Variants in IKBKE observed in about 807,000 individuals in gnomAD.
IKBKE encodes inhibitor of nuclear factor kappa B kinase subunit epsilon.
Under a neutral mutation model 92.1 loss-of-function variants are expected in IKBKE, and 45 were observed. The observed-to-expected ratio is 0.49, with a 90% CI of 0.38 to 0.63. The LOEUF is 0.63. IKBKE is among the 20% of genes least tolerant of loss of function. The pLI is 0.00. For missense variants in IKBKE, 700 were observed against 932.8 expected (o/e 0.75, Z 3.25); for synonymous variants, 374 against 380.3 (o/e 0.98, Z 0.19).
intron 20 of IKBKE, 73 bp from the exon 21 acceptor site, chr1:206,493,847 G>T: frequency 1.7e-6 from 2 of 1,156,586 alleles, no homozygotes; most frequent in South Asian, 2.6e-5. Context: ...GAGGAGGGTG[G>T]GCCTCCCAGG....
In IKBKE at chr1:206,474,560, C is replaced by T. The variant is rs530716274; in HGVS notation, c.228+89C>T. The T allele has an allele frequency of 1.1e-3, 1,519 of 1,354,760 alleles. 3 individuals carry two copies. Among genetic ancestry groups the T allele is most frequent in the Middle Eastern group, 2.1e-3 (11 of 5,352 alleles). The allele number at this position is 1,354,760 out of a possible 1,614,324, so 83.9% of individuals were successfully genotyped here. A position where few individuals can be genotyped will look rare whatever the true frequency, so the allele number is the denominator to read the frequency against. On this transcript the variant is annotated intron_variant, in intron 4 of 21. Coordinates refer to ENST00000581977, the MANE Select transcript of IKBKE (RefSeq NM_014002.4). Reference sequence around the variant, plus strand: ...GGCCACATGATAACAGAGATTTGGTCCCATGCTCATCAGCAGGTCAGAGAC... The same window carrying T: ...GGCCACATGATAACAGAGATTTGGTTCCATGCTCATCAGCAGGTCAGAGAC...
At position 206,490,059 on chromosome 1, in the gene IKBKE, G is replaced by A. The variant is rs191041625; in HGVS notation, c.1694-760G>A. Among the ~76,000 whole-genome samples the A allele has an allele frequency of 7.4e-4, 113 of 152,288 alleles. No homozygotes were observed. The highest frequency in any genetic ancestry group is 3.4e-3 in the Middle Eastern group (1 of 294). On this transcript the variant is annotated intron_variant, in intron 16 of 21. Transcript: ENST00000581977. The surrounding 1 kb of genome is among the most constrained non-coding windows in gnomAD (Gnocchi z 5.2). ...GAAGTGAAATCACTCGCCTAGTGCC[G>A]CCTGCCAACAGGAGGAAGGGCTGAG...
At position 206,479,762 on chromosome 1, in the gene IKBKE, T is replaced by C. The variant is rs55857766; in HGVS notation, c.1184-108T>C. The C allele has an allele frequency of 2.3e-4, 269 of 1,192,210 alleles. 3 individuals are homozygous for C. The East Asian group carries it at 5.5e-3, about 24-fold the overall frequency. The allele number at this position is 1,192,210 out of a possible 1,614,324, so 73.9% of individuals were successfully genotyped here. On this transcript the variant is annotated intron_variant, in intron 10 of 21. Coordinates refer to ENST00000581977, the MANE Select transcript of IKBKE (RefSeq NM_014002.4). The stretch of plus-strand genomic sequence containing the variant: ...GAGGCTCAGGGTGAGTTGTGAAGCC[T>C]GAGGTGGGAGATTGGCAGTGAGGGG...
At position 206,485,861 on chromosome 1, in the gene IKBKE, C is replaced by A. The variant is rs1665624485; in HGVS notation, c.1616+555C>A. On this transcript the variant is annotated intron_variant, in intron 15 of 21. Transcript: ENST00000581977. This position sits in a 1 kb window ranked among gnomAD's most constrained non-coding sequence, Gnocchi z 5.0. ...AGGCACCACTCTCCCTTTTAACAGACATAAAAATACCCCCCTCCCCCAGGC... is the reference window on the plus strand; with the variant it reads ...AGGCACCACTCTCCCTTTTAACAGAAATAAAAATACCCCCCTCCCCCAGGC... 6.6e-6 allele frequency among the ~76,000 whole-genome samples: 1 copy of A among 152,180 alleles called. No individual in the cohort carries two copies. Among genetic ancestry groups the A allele is most frequent in the Non-Finnish European group, 1.5e-5 (1 of 68,032 alleles).
chr1:206,474,249 A>G, intron 3 of IKBKE, 82 bp from the exon 4 acceptor site: 1 of 1,389,468 alleles, frequency 7.2e-7, no homozygotes, highest in African/African-American at 1.4e-5. Flanking sequence ...ATGGAGGCCC[A>G]GGAGAGGGTG....
intron 2 of IKBKE, 60 bp from the exon 3 acceptor site, chr1:206,473,136 A>T: frequency 2.0e-6 from 2 of 1,000,442 alleles, no homozygotes; most frequent in South Asian, 1.4e-5. Flanking sequence ...AGGTCAGGCC[A>T]CCAGCGGCCA....
Position 206,490,249 on chromosome 1 carries a change from C to T in IKBKE, c.1694-570C>T, listed in dbSNP as rs1342356050. On this transcript the variant is annotated intron_variant, in intron 16 of 21. Transcript: ENST00000581977. The surrounding 1 kb of genome is among the most constrained non-coding windows in gnomAD (Gnocchi z 5.2). The stretch of plus-strand genomic sequence containing the variant: ...CCGCCACCCTGGAGGCCCATTCCTG[C>T]GAAGACCAGGAGGGGGCAGCATCTC... 1.3e-5 allele frequency among the ~76,000 whole-genome samples: 2 copies of T among 152,160 alleles called. No homozygotes were observed. The highest frequency in any genetic ancestry group is 2.9e-5 in the Non-Finnish European group (2 of 68,026).
In IKBKE at chr1:206,478,864, TG is replaced by T; in HGVS notation, c.993-75del. Reference sequence around the variant, plus strand: ...GCCCTGTCTATGGGCAACGCTTAGCTGGGGCTTAGGTCACCCTAGCCCCCTG... The same window carrying T: ...GCCCTGTCTATGGGCAACGCTTAGCTGGGCTTAGGTCACCCTAGCCCCCTG... On this transcript the variant is annotated intron_variant, in intron 9 of 21. Coordinates refer to ENST00000581977, the MANE Select transcript of IKBKE (RefSeq NM_014002.4). The surrounding 1 kb of genome is among the most constrained non-coding windows in gnomAD (Gnocchi z 4.8). The T allele has an allele frequency of 5.4e-6, 6 of 1,104,056 alleles. No homozygotes were observed. The highest frequency in any genetic ancestry group is 1.5e-5 in the African/African-American group (1 of 65,444). 68.4% of individuals were successfully genotyped at this position (1,104,056 alleles called of 1,614,324 possible).
At chr1:206,486,419 G>A (rs1354837961) in intron 15 of IKBKE, among the ~76,000 whole-genome samples, 2 of 139,560 alleles carry the variant, frequency 1.4e-5, no homozygotes, top group South Asian at 2.1e-4. Context: ...GCTGAGGATC[G>A]AGGTCCTGTC....
At position 206,490,821 on chromosome 1, in the gene IKBKE, C is replaced by T. The variant is rs1553390134; in HGVS notation, c.1696C>T (p.Leu566Phe). Residue 566 changes from leucine to phenylalanine, a missense_variant and splice_region_variant, in exon 17 of 22, where the codon CTT (leucine) becomes TTT (phenylalanine). Coordinates refer to ENST00000581977, the MANE Select transcript of IKBKE (RefSeq NM_014002.4). This position sits in a 1 kb window ranked among gnomAD's most constrained non-coding sequence, Gnocchi z 5.2. ...QFKKSRMRPG[L>F]GYNEEQIHKL... ...TCTGTTCTGTCTGTTTCCTCCAGGG[C>T]TTGGCTACAACGAGGAGCAGATTCA... 6.2e-7 allele frequency: 1 copy of T among 1,614,162 alleles called. No individual in the cohort carries two copies. Among genetic ancestry groups the T allele is most frequent in the Admixed American group, 1.7e-5 (1 of 60,030 alleles).
intron 16 of IKBKE, among the ~76,000 whole-genome samples, chr1:206,489,231 A>T (rs1176928740): frequency 1.4e-5 from 2 of 147,934 alleles, no homozygotes; most frequent in African/African-American, 4.9e-5. Context: ...ATATATATAT[A>T]ATTCATATAT....
Position 206,470,630 on chromosome 1 carries a change from A to C in IKBKE, c.-191A>C, listed in dbSNP as rs17020312. On this transcript the variant is annotated 5_prime_UTR_variant, in exon 1 of 22. Coordinates refer to ENST00000581977, the MANE Select transcript of IKBKE (RefSeq NM_014002.4). The stretch of plus-strand genomic sequence containing the variant: ...GCTAAGAACACTGCTCATGAATGAC[A>C]GTGAGCCCTGAAAGCTCTGGGGGTG... 13,861 of 152,054 alleles carry C rather than the reference A, an allele frequency of 0.091. 1,067 individuals are homozygous for C. Among genetic ancestry groups the C allele is most frequent in the African/African-American group, 0.21 (8,806 of 41,440 alleles). 9.4% of individuals were successfully genotyped at this position (152,054 alleles called of 1,614,324 possible). A position where few individuals can be genotyped will look rare whatever the true frequency, so the allele number is the denominator to read the frequency against.
At chr1:206,477,540 G>A (rs1380463414) in intron 7 of IKBKE, among the ~76,000 whole-genome samples, 1 of 152,112 alleles carries the variant, frequency 6.6e-6, no homozygotes, top group Non-Finnish European at 1.5e-5. Flanking sequence ...GGGCAAAGGT[G>A]TCTCTACCTG....
intron 4 of IKBKE, 196 bp from the exon 5 acceptor site, chr1:206,474,669 C>G: frequency 1.3e-6 from 1 of 799,504 alleles, no homozygotes; most frequent in East Asian, 2.7e-5. Flanking sequence ...GAATCAGTAC[C>G]TAAGCAGAGG....
intron 16 of IKBKE, among the ~76,000 whole-genome samples, chr1:206,488,684 C>T (rs1665787822): frequency 1.3e-5 from 2 of 152,152 alleles, no homozygotes; most frequent in Admixed American, 1.3e-4. Flanking sequence ...CCCCTCCTCT[C>T]CCAGGCCCCA....
chr1:206,479,768 G>A (rs1489521382), intron 10 of IKBKE, 102 bp from the exon 11 acceptor site: 1 of 1,223,416 alleles, frequency 8.2e-7, no homozygotes, highest in African/African-American at 1.5e-5. Context: ...AGCCTGAGGT[G>A]GGAGATTGGC....
chr1:206,479,622 GA>G (rs1338711139), intron 10 of IKBKE, among the ~76,000 whole-genome samples: 2 of 152,198 alleles, frequency 1.3e-5, no homozygotes, highest in Non-Finnish European at 2.9e-5. Flanking sequence ...CTGTGGACAA[GA>G]GGGTGATTTA....
chr1:206,476,885 T>G lies in IKBKE; in HGVS notation c.701+47T>G, dbSNP rs1553385522. On this transcript the variant is annotated intron_variant, in intron 7 of 21. Coordinates refer to ENST00000581977, the MANE Select transcript of IKBKE (RefSeq NM_014002.4). This position sits in a 1 kb window ranked among gnomAD's most constrained non-coding sequence, Gnocchi z 5.1. ...GGAATGGGGCGGACTGGCAGTCCCCTGGCCCTTCCCCCACCGGTCCTTGCT... is the reference window on the plus strand; with the variant it reads ...GGAATGGGGCGGACTGGCAGTCCCCGGGCCCTTCCCCCACCGGTCCTTGCT... The G allele has an allele frequency of 6.2e-7, 1 of 1,601,988 alleles. No individual in the cohort carries two copies.
intron 18 of IKBKE, chr1:206,492,768 A>G (rs1553390871): frequency 1.6e-6 from 1 of 624,042 alleles, no homozygotes; most frequent in African/African-American, 1.8e-5. Context: ...ACCCAGCCCC[A>G]GCCACATGCA....
Sources: allele counts gnomAD v4.1 joint callset (sites outside exome capture counted in the v4.1 genomes callset), GRCh38; gene constraint gnomAD v4.1.1; non-coding constraint Gnocchi (gnomAD v3.1); transcripts MANE v1.5; gene names NCBI Gene and HGNC (gene_info 2026-07-23, HGNC 2026-07-21).